ERBB4: variants seen among roughly 807,000 people sequenced by gnomAD.
ERBB4 encodes the protein receptor tyrosine-protein kinase erbB-4.
A neutral mutation model predicts 158.0 loss-of-function variants in ERBB4; 42 were observed. The observed-to-expected ratio is 0.27, with a 90% CI of 0.21 to 0.34. The LOEUF (loss-of-function observed/expected upper bound fraction) is 0.34, where lower values mean the gene tolerates loss of function less well. Ranked by LOEUF, ERBB4 falls within the 10% of genes least tolerant of loss-of-function variation. The pLI is 1.00. For missense variants in ERBB4, 1,333 were observed against 1,624.1 expected, an observed-to-expected ratio of 0.82 and a Z score of 3.08; for synonymous variants, 583 against 558.7, an observed-to-expected ratio of 1.04 and a Z score of -0.61.
chr2:212,517,155 C>A (rs1463951178), intron 1 of ERBB4, among the ~76,000 whole-genome samples: 1 of 152,070 alleles, frequency 6.6e-6, no homozygotes, highest in Non-Finnish European at 1.5e-5. Flanking sequence ...AAGGCCTTAA[C>A]TTTGGTTTGC....
At chr2:211,852,240 C>T (rs1308423183) in intron 3 of ERBB4, among the ~76,000 whole-genome samples, 2 of 151,820 alleles carry the variant, frequency 1.3e-5, no homozygotes, top group African/African-American at 2.4e-5. Flanking sequence ...AGCTCTCTGA[C>T]TTCAGTAAAA....
chr2:212,536,533 T>C (rs1693075880), intron 1 of ERBB4, among the ~76,000 whole-genome samples: 1 of 152,164 alleles, frequency 6.6e-6, no homozygotes, highest in African/African-American at 2.4e-5. Context: ...GGCACGCTAA[T>C]CCTCGCGCTC....
At chr2:212,440,018 T>G (rs1335214946) in intron 1 of ERBB4, among the ~76,000 whole-genome samples, 3 of 152,166 alleles carry the variant, frequency 2.0e-5, no homozygotes, top group Non-Finnish European at 4.4e-5. Flanking sequence ...ACTCAAAATC[T>G]GAAAGTTCAA....
At chr2:212,125,945 T>C (rs2125574383) in intron 1 of ERBB4, among the ~76,000 whole-genome samples, 1 of 152,328 alleles carries the variant, frequency 6.6e-6, no homozygotes, top group South Asian at 2.1e-4. Context: ...AGTAATGGGA[T>C]TGCTAGGTTG....
intron 12 of ERBB4, among the ~76,000 whole-genome samples, chr2:211,680,154 T>A (rs183562252): frequency 5.0e-4 from 76 of 152,330 alleles, no homozygotes; most frequent in Admixed American, 2.7e-3. Flanking sequence ...GTTATCTCTA[T>A]GTTATCTCTA....
At chr2:211,802,379 AATGACATC>A (rs2076520365) in intron 3 of ERBB4, among the ~76,000 whole-genome samples, 1 of 152,310 alleles carries the variant, frequency 6.6e-6, no homozygotes, top group East Asian at 1.9e-4. Context: ...CCTTACAATT[AATGACATC>A]ACAAGAACAT....
chr2:212,094,991 T>A (rs10932420), intron 2 of ERBB4, among the ~76,000 whole-genome samples: 109,012 of 152,048 alleles, frequency 0.72, 42,399 homozygotes, highest in East Asian at 1. Context: ...GCACAATTAC[T>A]AAGTTTCTGA....
chr2:212,475,237 G>C (rs1012289782), intron 1 of ERBB4, among the ~76,000 whole-genome samples: 1 of 152,088 alleles, frequency 6.6e-6, no homozygotes, highest in Admixed American at 6.6e-5. Context: ...GCTTGGAAGG[G>C]TCCAGTGCTT....
rs140794254 is a variant in ERBB4, at chr2:211,378,991, C to T, written c.*4624G>A. The T allele has an allele frequency of 7.8e-5, 18 of 231,234 alleles. No individual in the cohort carries two copies. The East Asian group carries it at 1.1e-3, about 14-fold the overall frequency. The allele number at this position is 231,234 out of a possible 1,614,324, so 14.3% of individuals were successfully genotyped here. On this transcript the variant is annotated 3_prime_UTR_variant, in exon 28 of 28. Transcript: ENST00000342788. ...TTAATTTATCTGGTTTTTTTAACAA[C>T]TAGAAGCTGATGCACATGGATTTCT...
At chr2:212,318,845 A>G (rs2087421931) in intron 1 of ERBB4, among the ~76,000 whole-genome samples, 2 of 151,640 alleles carry the variant, frequency 1.3e-5, no homozygotes, top group South Asian at 2.1e-4. Flanking sequence ...ACAACAGCAC[A>G]TAATGAAGGA....
intron 2 of ERBB4, among the ~76,000 whole-genome samples, chr2:212,099,079 A>G (rs946333604): frequency 7.2e-5 from 11 of 151,960 alleles, no homozygotes; most frequent in African/African-American, 2.7e-4. Context: ...CCAGGAGTTC[A>G]AGTCCAGGAT....
intron 2 of ERBB4, among the ~76,000 whole-genome samples, chr2:212,083,365 G>T (rs1240460133): frequency 1.3e-5 from 2 of 151,902 alleles, no homozygotes; most frequent in African/African-American, 2.4e-5. Context: ...AATGATAAAT[G>T]GCAACAGATA....
intron 1 of ERBB4, among the ~76,000 whole-genome samples, chr2:212,230,377 T>C (rs2105980317): frequency 6.6e-6 from 1 of 152,342 alleles, no homozygotes; most frequent in Non-Finnish European, 1.5e-5. Flanking sequence ...AATATGCTAC[T>C]ATCTCAGTTA....
chr2:211,556,729 T>C (rs1159764165), intron 20 of ERBB4, among the ~76,000 whole-genome samples: 1 of 151,930 alleles, frequency 6.6e-6, no homozygotes, highest in East Asian at 1.9e-4. Flanking sequence ...CAAGAAAGTA[T>C]TGACATTCTT....
chr2:211,616,056 A>G (rs1430677245), intron 19 of ERBB4, among the ~76,000 whole-genome samples: 1 of 152,102 alleles, frequency 6.6e-6, no homozygotes, highest in East Asian at 1.9e-4. Context: ...ACACTCTACC[A>G]TAGTGTTATA....
chr2:212,144,446 A>T (rs1364488449), intron 1 of ERBB4, among the ~76,000 whole-genome samples: 1 of 152,190 alleles, frequency 6.6e-6, no homozygotes, highest in African/African-American at 2.4e-5. Flanking sequence ...CAACTTACCC[A>T]CAACTTTTCC....
chr2:211,726,300 T>C lies in ERBB4; in HGVS notation c.623-1106A>G, dbSNP rs952772240. 1.4e-3 allele frequency among the ~76,000 whole-genome samples: 206 copies of C among 152,298 alleles called. 1 individual carries two copies. The highest frequency in any genetic ancestry group is 4.3e-4 in the Non-Finnish European group (29 of 68,028). On this transcript the variant is annotated intron_variant, in intron 5 of 27. Coordinates refer to ENST00000342788, the MANE Select transcript of ERBB4 (RefSeq NM_005235.3). ...TGGATAAAAGTCATTCATCTTCTACTTAGCATACTGTCTACCAGTAAATGA... is the reference window on the plus strand; with the variant it reads ...TGGATAAAAGTCATTCATCTTCTACCTAGCATACTGTCTACCAGTAAATGA...
chr2:212,495,327 T>C (rs1292683327), intron 1 of ERBB4, among the ~76,000 whole-genome samples: 1 of 152,180 alleles, frequency 6.6e-6, no homozygotes, highest in Non-Finnish European at 1.5e-5. Flanking sequence ...TTGCAAACAA[T>C]TCCAGGAGTG....
intron 1 of ERBB4, among the ~76,000 whole-genome samples, chr2:212,422,269 C>T (rs2091810150): frequency 6.6e-6 from 1 of 152,116 alleles, no homozygotes; most frequent in Non-Finnish European, 1.5e-5. Flanking sequence ...CTTTGGGAGG[C>T]CAAGGCGGGT....
Sources: allele counts gnomAD v4.1 joint callset (sites outside exome capture counted in the v4.1 genomes callset), GRCh38; gene constraint gnomAD v4.1.1; transcripts MANE v1.5; gene names NCBI Gene and HGNC (gene_info 2026-07-23, HGNC 2026-07-21).